Variants in SORCS2 observed in about 807,000 individuals in gnomAD.
SORCS2 encodes sortilin related VPS10 domain containing receptor 2.
SORCS2 carries 100 observed loss-of-function variants against 141.6 expected under a neutral mutation model. That is an observed-to-expected ratio of 0.71 (90% confidence interval 0.60 to 0.83). The LOEUF (loss-of-function observed/expected upper bound fraction) is 0.83. SORCS2 is among the 40% of genes least tolerant of loss of function. The pLI is 0.00. For missense variants in SORCS2, 1,646 were observed against 1,560.2 expected (o/e 1.05, Z -0.93); for synonymous variants, 789 against 676.9 (o/e 1.17, Z -2.57).
intron 1 of SORCS2, among the ~76,000 whole-genome samples, chr4:7,242,670 A>C (rs1436114599): frequency 6.6e-6 from 1 of 152,088 alleles, no homozygotes; most frequent in African/African-American, 2.4e-5. Flanking sequence ...CCACACTTCC[A>C]GGCCCAATTC....
chr4:7,275,357 C>A (rs1715434156), intron 1 of SORCS2, among the ~76,000 whole-genome samples: 1 of 152,140 alleles, frequency 6.6e-6, no homozygotes, highest in Admixed American at 6.5e-5. Context: ...TGAAATGTAT[C>A]CAAATAAACC....
chr4:7,330,056 C>A (rs958357780), intron 1 of SORCS2, among the ~76,000 whole-genome samples: 3 of 151,794 alleles, frequency 2.0e-5, no homozygotes, highest in Non-Finnish European at 4.4e-5. Flanking sequence ...CTTGCCTCCC[C>A]CAGCTTCTTA....
chr4:7,403,925 T>G (rs1178750157), intron 2 of SORCS2, among the ~76,000 whole-genome samples: 2 of 143,464 alleles, frequency 1.4e-5, no homozygotes, highest in African/African-American at 5.1e-5. Context: ...CAATTCCAAG[T>G]CTCCACTGCC....
rs551156129 is a variant in SORCS2, at chr4:7,407,047, A to T, written c.548+10692A>T. Among the ~76,000 whole-genome samples, 59 of 152,220 alleles carry T rather than the reference A, an allele frequency of 3.9e-4. 1 individual carries two copies. Among genetic ancestry groups the T allele is most frequent in the Admixed American group, 8.5e-4 (13 of 15,294 alleles). ...TTATTTATTTGCGGTCAGAAAAGAT[A>T]CTTGATATGATTTCTACTTTTAAAA... On this transcript the variant is annotated intron_variant, in intron 2 of 26. Transcript: ENST00000507866.
chr4:7,445,175 C>G (rs1306550320), intron 2 of SORCS2, among the ~76,000 whole-genome samples: 2 of 152,208 alleles, frequency 1.3e-5, no homozygotes, highest in Non-Finnish European at 2.9e-5. Context: ...CAGGGCCAAC[C>G]TGGTGAGGGT....
At chr4:7,267,008 A>C (rs958621134) in intron 1 of SORCS2, among the ~76,000 whole-genome samples, 11 of 152,126 alleles carry the variant, frequency 7.2e-5, no homozygotes, top group Non-Finnish European at 5.9e-5. Flanking sequence ...GGCCACAGAG[A>C]GGGAAGGAAG....
At chr4:7,236,777 C>T (rs1201689300) in intron 1 of SORCS2, among the ~76,000 whole-genome samples, 2 of 152,160 alleles carry the variant, frequency 1.3e-5, no homozygotes, top group Non-Finnish European at 2.9e-5. Context: ...GACAGGGTTT[C>T]ACCATGTTGG....
chr4:7,375,196 G>C (rs377266182), intron 1 of SORCS2, among the ~76,000 whole-genome samples: 11 of 152,310 alleles, frequency 7.2e-5, no homozygotes, highest in African/African-American at 2.6e-4. Flanking sequence ...TCTGATCAGA[G>C]GGAAAGTCCG....
At chr4:7,628,515 T>C (rs1719669787) in intron 3 of SORCS2, among the ~76,000 whole-genome samples, 2 of 116,552 alleles carry the variant, frequency 1.7e-5, no homozygotes, top group African/African-American at 2.8e-5. Context: ...TGAGACTCCG[T>C]CTCGAAAAAA....
intron 3 of SORCS2, among the ~76,000 whole-genome samples, chr4:7,579,387 TATC>T (rs1715991157): frequency 6.6e-6 from 1 of 152,132 alleles, no homozygotes; most frequent in Non-Finnish European, 1.5e-5. Flanking sequence ...CTGTGTGCAA[TATC>T]ATCATAGTCT....
chr4:7,593,223 C>T (rs531729171), intron 3 of SORCS2, among the ~76,000 whole-genome samples: 1 of 152,274 alleles, frequency 6.6e-6, no homozygotes, highest in South Asian at 2.1e-4. Flanking sequence ...CTTCTTATGG[C>T]CAGTGGAGCC....
chr4:7,669,797 T>C (rs570072059), intron 8 of SORCS2, among the ~76,000 whole-genome samples: 2 of 152,324 alleles, frequency 1.3e-5, no homozygotes, highest in South Asian at 4.1e-4. Flanking sequence ...GGCTTTTACG[T>C]AGCTGAATTA....
intron 1 of SORCS2, among the ~76,000 whole-genome samples, chr4:7,334,558 TG>T (rs1173683560): frequency 4.6e-5 from 7 of 152,162 alleles, no homozygotes; most frequent in African/African-American, 7.2e-5. Flanking sequence ...GCTGAACTTT[TG>T]TTTGTGGGTA....
At chr4:7,669,174 T>C (rs924610111) in intron 8 of SORCS2, among the ~76,000 whole-genome samples, 15 of 152,286 alleles carry the variant, frequency 9.8e-5, no homozygotes, top group African/African-American at 3.1e-4. Flanking sequence ...TTGGAGGTCA[T>C]TGAAAAGACT....
chr4:7,532,654 T>G (rs1711757279), intron 3 of SORCS2, among the ~76,000 whole-genome samples: 1 of 152,002 alleles, frequency 6.6e-6, no homozygotes, highest in South Asian at 2.1e-4. Context: ...GCACTGGAGC[T>G]TGGCAGCTTC....
intron 1 of SORCS2, among the ~76,000 whole-genome samples, chr4:7,272,508 T>C (rs903921645): frequency 6.6e-6 from 1 of 152,252 alleles, no homozygotes; most frequent in Non-Finnish European, 1.5e-5. Context: ...TGTAAATGCA[T>C]CCAGTCAAAT....
At chr4:7,724,588 G>A (rs201524497) in intron 19 of SORCS2, among the ~76,000 whole-genome samples, 3 of 48,160 alleles carry the variant, frequency 6.2e-5, no homozygotes, top group Admixed American at 2.5e-4. Flanking sequence ...GATGGTGGTG[G>A]TGTTGGTGAT....
At chr4:7,661,665 C>A in intron 6 of SORCS2, 101 bp downstream of exon 6, 1 of 1,064,346 alleles carries the variant, frequency 9.4e-7, no homozygotes, top group Non-Finnish European at 1.4e-6. Flanking sequence ...CAATGGCTGG[C>A]CCTACACAGC....
chr4:7,611,728 A>G (rs560458996), intron 3 of SORCS2, among the ~76,000 whole-genome samples: 8 of 152,384 alleles, frequency 5.2e-5, no homozygotes, highest in African/African-American at 1.9e-4. Flanking sequence ...GGAATCCTCC[A>G]TGGCACATGA....
Sources: allele counts gnomAD v4.1 joint callset (sites outside exome capture counted in the v4.1 genomes callset), GRCh38; gene constraint gnomAD v4.1.1; transcripts MANE v1.5; gene names NCBI Gene and HGNC (gene_info 2026-07-23, HGNC 2026-07-21).